Variants in SLC35A2 observed in about 807,000 individuals in gnomAD.
The protein encoded by SLC35A2 is UDP-galactose translocator.
SLC35A2 carries 1 observed loss-of-function variant against 17.3 expected under a neutral mutation model. That is an observed-to-expected ratio of 0.06 (90% confidence interval 0.02 to 0.27). SLC35A2 has a LOEUF of 0.27. SLC35A2 is among the 10% of genes least tolerant of loss of function. The pLI is 1.00. For missense variants in SLC35A2, 191 were observed against 339.3 expected, an observed-to-expected ratio of 0.56 and a Z score of 3.43; for synonymous variants, 161 against 161.3, an observed-to-expected ratio of 1.00 and a Z score of 0.01.
Position 48,911,626 on chromosome X carries a change from A to G in SLC35A2, c.11T>C (p.Val4Ala). 8.6e-7 allele frequency: 1 copy of G among 1,162,347 alleles called. No individual in the cohort carries two copies. The highest frequency in any genetic ancestry group is 1.1e-6 in the Non-Finnish European group (1 of 873,514). Reference sequence around the variant, plus strand: ...CGCCGCGGTGGAACCACCAGCCCCAACCGCTGCCATGTTGGCATCTGCCCG... The same window carrying G: ...CGCCGCGGTGGAACCACCAGCCCCAGCCGCTGCCATGTTGGCATCTGCCCG... MAA[V>A]GAGGSTAAPG... Residue 4 changes from valine to alanine, a missense_variant, in exon 1 of 5, where the codon GTT becomes GCT. Transcript: ENST00000247138.
intron 2 of SLC35A2, among the ~76,000 whole-genome samples, chrX:48,907,595 G>A (rs782255739): frequency 6.2e-5 from 7 of 112,273 alleles, no homozygotes; most frequent in Admixed American, 9.4e-5. Flanking sequence ...CCCATGTGCC[G>A]TCTGAGGGCA....
rs41298476 is a variant in SLC35A2 at position 48,909,782 on chromosome X, G to A, written c.274+32C>T. The A allele has an allele frequency of 2.0e-5, 23 of 1,158,942 alleles. No individual in the cohort carries two copies. The African/African-American group carries it at 2.7e-4, about 13-fold the overall frequency. On this transcript the variant is annotated intron_variant, in intron 2 of 4. Coordinates refer to ENST00000247138, the MANE Select transcript of SLC35A2 (RefSeq NM_005660.3). ...ACATACATGTGGAGTCTCACCCACC[G>A]ACCCCAGTGCAGCCCCATCCCTGGT... is the stretch of plus-strand genomic sequence containing the variant.
intron 1 of SLC35A2, among the ~76,000 whole-genome samples, chrX:48,910,561 G>A (rs1432721373): frequency 1.8e-5 from 2 of 111,070 alleles, no homozygotes; most frequent in Non-Finnish European, 3.8e-5. Flanking sequence ...AGGGAATGAG[G>A]CCACTGTATG....
intron 2 of SLC35A2, among the ~76,000 whole-genome samples, chrX:48,908,014 C>T: frequency 9.2e-6 from 1 of 108,793 alleles, no homozygotes; most frequent in African/African-American, 3.3e-5. Context: ...AAGGGCAAAA[C>T]TCCATTTCAA....
chrX:48,911,009 C>T (rs1243881527), intron 1 of SLC35A2, among the ~76,000 whole-genome samples: 3 of 110,683 alleles, frequency 2.7e-5, no homozygotes, highest in African/African-American at 9.9e-5. Context: ...TAACGATGAG[C>T]CCTCCCACCC....
intron 2 of SLC35A2, among the ~76,000 whole-genome samples, chrX:48,909,389 G>A (rs1557043531): frequency 8.8e-6 from 1 of 113,042 alleles, no homozygotes; most frequent in African/African-American, 3.2e-5. Flanking sequence ...AAAATAATAA[G>A]AGGATAAGGA....
At position 48,904,839 on chromosome X, in the gene SLC35A2, C is replaced by G. The variant is rs1184222447; in HGVS notation, c.1070G>C (p.Gly357Ala). ...GGGAGGCTGCTGGTGAACGCAGGGC[C>G]CGGAGGCGGAGGCAGAGGCAGAGGC... ...AIASASASAS[G>A]PCVHQQPPGQ... is the part of the protein sequence containing the mutation. Residue 357 changes from glycine (G) to alanine (A), a missense_variant, in exon 4 of 5, where the codon GGG becomes GCG. By Grantham distance (60) the Gly-to-Ala change is moderately conservative (BLOSUM62 0). Coordinates refer to ENST00000247138, the MANE Select transcript of SLC35A2 (RefSeq NM_005660.3). The G allele has an allele frequency of 1.7e-6, 2 of 1,209,933 alleles. No homozygotes were observed. The highest frequency in any genetic ancestry group is 2.2e-6 in the Non-Finnish European group (2 of 895,078).
At chrX:48,904,210 C>G (rs1557042385) in intron 4 of SLC35A2, 1 of 813,090 alleles carries the variant, frequency 1.2e-6, no homozygotes, top group African/African-American at 2.2e-5. Flanking sequence ...CAAGGCCACA[C>G]AAAAGACGGA....
rs782792354 is a variant in SLC35A2, at chrX:48,904,574, C to G, written c.1163+172G>C. ...CACGTGACACCCAGCTCTAGTCCCA[C>G]ACCCCTCCAGAAGTCTCAGTGACCT... is the stretch of plus-strand genomic sequence containing the variant. On this transcript the variant is annotated intron_variant, in intron 4 of 4. Transcript: ENST00000247138. 5.3e-5 allele frequency: 63 copies of G among 1,194,055 alleles called. No homozygotes were observed. In the Admixed American group the frequency reaches 1.4e-3, roughly 26 times the overall value.
At chrX:48,904,612 C>T (rs782113530) in intron 4 of SLC35A2, 134 bp downstream of exon 4, 1 of 1,204,696 alleles carries the variant, frequency 8.3e-7, no homozygotes. Flanking sequence ...GAGAAAAGAC[C>T]ATCTCCCAAA....
intron 2 of SLC35A2, among the ~76,000 whole-genome samples, chrX:48,908,739 T>A (rs2063510457): frequency 8.9e-6 from 1 of 112,289 alleles, no homozygotes; most frequent in Non-Finnish European, 1.9e-5. Context: ...ACACCTACAC[T>A]GTTCACAGAG....
At chrX:48,904,590 T>G in intron 4 of SLC35A2, 156 bp downstream of exon 4, 6 of 1,200,728 alleles carry the variant, frequency 5.0e-6, no homozygotes, top group Non-Finnish European at 6.7e-6. Context: ...TCCAGAAGTC[T>G]CAGTGACCTG....
At position 48,911,571 on chromosome X, in the gene SLC35A2, T is replaced by G. The variant is rs1412307451; in HGVS notation, c.66A>C (p.Ala22=). Reference sequence around the variant, plus strand: ...CCGCACTGGCGGTCCCCGGCTCCAATGCACCCGCGGAAACCGCCCCTGGCC... The same window carrying G: ...CCGCACTGGCGGTCCCCGGCTCCAAGGCACCCGCGGAAACCGCCCCTGGCC... ...APGPGAVSAG[A]LEPGTASAAH... Residue 22 remains alanine, a synonymous_variant, in exon 1 of 5, where the codon GCA becomes GCC. Transcript: ENST00000247138. The G allele has an allele frequency of 2.6e-6, 3 of 1,164,613 alleles. No homozygotes were observed. Among genetic ancestry groups the G allele is most frequent in the Non-Finnish European group, 2.3e-6 (2 of 874,996 alleles).
intron 3 of SLC35A2, chrX:48,905,715 T>C: frequency 2.8e-6 from 1 of 355,405 alleles, no homozygotes; most frequent in Non-Finnish European, 4.8e-6. Flanking sequence ...GAAGTCCACA[T>C]CCCAATCCCA....
At position 48,908,041 on chromosome X, in the gene SLC35A2, A is replaced by G. The variant is rs782461288; in HGVS notation, c.275-1498T>C. Reference sequence around the variant, plus strand: ...CCATTTCAAAACAAACAAACAAAAAACATGAGAATCATTTCCTATGTAACA... The same window carrying G: ...CCATTTCAAAACAAACAAACAAAAAGCATGAGAATCATTTCCTATGTAACA... On this transcript the variant is annotated intron_variant, in intron 2 of 4. Coordinates refer to ENST00000247138, the MANE Select transcript of SLC35A2 (RefSeq NM_005660.3). Among the ~76,000 whole-genome samples the G allele has an allele frequency of 1.7e-3, 180 of 106,924 alleles. 1 individual carries two copies. Among genetic ancestry groups the G allele is most frequent in the Non-Finnish European group, 2.6e-3 (133 of 51,770 alleles). 92.9% of individuals were successfully genotyped at this position (106,924 alleles called of 115,157 possible).
At chrX:48,908,775 T>C (rs1299482381) in intron 2 of SLC35A2, among the ~76,000 whole-genome samples, 2 of 112,382 alleles carry the variant, frequency 1.8e-5, no homozygotes, top group Non-Finnish European at 3.8e-5. Context: ...GCAGGTCTCT[T>C]GTTAACCTGG....
intron 3 of SLC35A2, chrX:48,905,816 C>A: frequency 3.3e-6 from 1 of 298,757 alleles, no homozygotes; most frequent in Non-Finnish European, 5.9e-6. Context: ...ATGGAAGTAT[C>A]TTTGTGATGA....
At chrX:48,911,344 C>A (rs1457238858) in intron 1 of SLC35A2, 1 of 529,672 alleles carries the variant, frequency 1.9e-6, no homozygotes, top group East Asian at 3.6e-5. Context: ...ATGGTCTCTA[C>A]TCTCCATATG....
intron 4 of SLC35A2, chrX:48,903,666 A>T: frequency 1.2e-6 from 1 of 815,308 alleles, no homozygotes; most frequent in Non-Finnish European, 1.7e-6. Context: ...TTTGTTCATT[A>T]CAGTTCCTTA....
Sources: gnomAD v4.1 joint callset for allele counts (sites outside exome capture counted in the v4.1 genomes callset) on GRCh38, gnomAD v4.1.1 for gene constraint, MANE v1.5 for transcripts, NCBI Gene and HGNC (gene_info 2026-07-23, HGNC 2026-07-21) for gene names.